DNAH9: variants seen among roughly 807,000 people sequenced by gnomAD.
The protein encoded by DNAH9 is DNAH9 variant protein.
A neutral mutation model predicts 471.6 loss-of-function variants in DNAH9; 345 were observed. The observed-to-expected ratio is 0.73, with a 90% CI of 0.67 to 0.80. The LOEUF (loss-of-function observed/expected upper bound fraction) is 0.80. Among genes scored for constraint, DNAH9 ranks in the 30% least tolerant of loss-of-function variants. The pLI, the probability that DNAH9 is intolerant of heterozygous loss-of-function variation, is 0.00. For missense variants in DNAH9, 5,407 were observed against 5,609.2 expected, an observed-to-expected ratio of 0.96 and a Z score of 1.15; for synonymous variants, 2,093 against 2,123.6, an observed-to-expected ratio of 0.99 and a Z score of 0.40.
At chr17:11,669,866 A>G in intron 17 of DNAH9, 72 bp downstream of exon 17, 1 of 1,329,686 alleles carries the variant, frequency 7.5e-7, no homozygotes, top group Non-Finnish European at 1.0e-6. Flanking sequence ...AACCTTTTTT[A>G]TATTTTTTCC....
At chr17:11,825,073 C>A (rs1347512921) in intron 48 of DNAH9, among the ~76,000 whole-genome samples, 1 of 152,024 alleles carries the variant, frequency 6.6e-6, no homozygotes, top group Non-Finnish European at 1.5e-5. Context: ...TCTGTGATAC[C>A]CCTGTCTTTC....
intron 26 of DNAH9, among the ~76,000 whole-genome samples, chr17:11,707,959 CCACACACACACACACACA>C (rs756020074): frequency 0.011 from 1,190 of 106,426 alleles, 7 homozygotes; most frequent in South Asian, 0.041. Context: ...GCCTCTCCCA[CCACACACACACACACACA>C]CACACACACA....
intron 49 of DNAH9, among the ~76,000 whole-genome samples, chr17:11,849,239 G>T (rs1269505636): frequency 3.3e-5 from 5 of 152,052 alleles, no homozygotes; most frequent in Non-Finnish European, 5.9e-5. Context: ...CCTGGACCAA[G>T]CCACCTTCAG....
At chr17:11,882,886 G>T in intron 55 of DNAH9, 1 of 967,350 alleles carries the variant, frequency 1.0e-6, no homozygotes, top group South Asian at 4.8e-5. Context: ...TGGTCTTAAG[G>T]CAGGATCAAG....
chr17:11,714,201 A>G (rs1381678151), intron 26 of DNAH9, among the ~76,000 whole-genome samples: 2 of 152,190 alleles, frequency 1.3e-5, no homozygotes, highest in Non-Finnish European at 2.9e-5. Flanking sequence ...AAACCTATTG[A>G]AAGCTCTGGG....
intron 43 of DNAH9, among the ~76,000 whole-genome samples, chr17:11,803,302 G>A (rs145425087): frequency 1.6e-4 from 24 of 152,098 alleles, no homozygotes; most frequent in African/African-American, 5.3e-4. Flanking sequence ...GAATCACTTA[G>A]CAATCATTAA....
In DNAH9 at chr17:11,962,666, A is replaced by T. The variant is rs1348547450; in HGVS notation, c.13233+410A>T. On this transcript the variant is annotated intron_variant, in intron 68 of 68. Coordinates refer to ENST00000262442, the MANE Select transcript of DNAH9 (RefSeq NM_001372.4). This position sits in a 1 kb window ranked among gnomAD's most constrained non-coding sequence, Gnocchi z 4.1. ...ATAGGCAGTTATCAAAAAATGTTGG[A>T]GTCAGCTATCTCTGCTGCTGCTGCT... Among the ~76,000 whole-genome samples the T allele has an allele frequency of 6.6e-6, 1 of 151,788 alleles. No individual in the cohort carries two copies. The highest frequency in any genetic ancestry group is 1.5e-5 in the Non-Finnish European group (1 of 68,034).
chr17:11,750,328 G>C (rs1407947190), intron 32 of DNAH9, among the ~76,000 whole-genome samples: 2 of 151,842 alleles, frequency 1.3e-5, no homozygotes, highest in African/African-American at 4.8e-5. Context: ...GGTTATTTTA[G>C]TTTTATTTAT....
chr17:11,678,618 C>T (rs191327311), intron 17 of DNAH9, among the ~76,000 whole-genome samples: 27 of 152,056 alleles, frequency 1.8e-4, no homozygotes, highest in African/African-American at 6.0e-4. Context: ...TGTGTGCTGT[C>T]GTTGTTTTAA....
intron 67 of DNAH9, among the ~76,000 whole-genome samples, chr17:11,943,664 A>G (rs1288016602): frequency 2.6e-5 from 4 of 152,142 alleles, no homozygotes; most frequent in African/African-American, 9.7e-5. Flanking sequence ...GTGACAGAGC[A>G]AGACTCCGTC....
At chr17:11,741,512 C>T (rs1567764978) in intron 29 of DNAH9, among the ~76,000 whole-genome samples, 1 of 149,160 alleles carries the variant, frequency 6.7e-6, no homozygotes, top group South Asian at 2.1e-4. Flanking sequence ...CAAACAAGTA[C>T]AGGATACACC....
intron 38 of DNAH9, among the ~76,000 whole-genome samples, chr17:11,777,515 G>A (rs1202745083): frequency 1.3e-5 from 2 of 152,184 alleles, no homozygotes; most frequent in East Asian, 3.8e-4. Flanking sequence ...CAAAGAGCTT[G>A]GTTAAGGCAT....
rs556760599 is a variant in DNAH9, at chr17:11,609,763, A to G, written c.615-633A>G. Among the ~76,000 whole-genome samples the G allele has an allele frequency of 1.8e-4, 28 of 152,266 alleles. 1 individual carries two copies. The highest frequency in any genetic ancestry group is 1.8e-3 in the Admixed American group (27 of 15,296). ...CTTTCTTTAAAAGTTGTATGAGGGG[A>G]AAAGTTTGGGAATTCTATTCTTCAC... On this transcript the variant is annotated intron_variant, in intron 2 of 68. Coordinates refer to ENST00000262442, the MANE Select transcript of DNAH9 (RefSeq NM_001372.4).
chr17:11,745,138 A>C, intron 31 of DNAH9, 54 bp downstream of exon 31: 1 of 1,426,174 alleles, frequency 7.0e-7, no homozygotes, highest in Non-Finnish European at 9.7e-7. Flanking sequence ...ATTGTCCAGG[A>C]TAATGGGTTA....
intron 14 of DNAH9, among the ~76,000 whole-genome samples, chr17:11,664,157 G>T (rs1218217772): frequency 1.3e-5 from 2 of 152,136 alleles, no homozygotes; most frequent in African/African-American, 4.8e-5. Flanking sequence ...ACTTGGCATT[G>T]CTGGAGCATT....
Position 11,620,077 on chromosome 17 carries a change from G to A in DNAH9, c.1350+296G>A, listed in dbSNP as rs1263888933. 7.6e-6 allele frequency: 3 copies of A among 392,684 alleles called. No homozygotes were observed. In the East Asian group the frequency reaches 1.6e-4, roughly 21 times the overall value. 24.3% of individuals were successfully genotyped at this position (392,684 alleles called of 1,614,324 possible). ...AATACAACAACAACAAAATAGCCAG[G>A]TGTGGTGTGCACCTGTAGTCCCAGC... On this transcript the variant is annotated intron_variant, in intron 6 of 68. Coordinates refer to ENST00000262442, the MANE Select transcript of DNAH9 (RefSeq NM_001372.4).
Position 11,939,807 on chromosome 17 carries a change from CATGGATGGATGGATGGATGGATGG to C in DNAH9, c.12660+2301_12660+2324del, listed in dbSNP as rs57669174. ...AGAAGGGAGGTTGGCATGTTAGATA[CATGGATGGATGGATGGATGGATGG>C]ATGGATGGATGGATGATGGGTAGAT... On this transcript the variant is annotated intron_variant, in intron 66 of 68. Coordinates refer to ENST00000262442, the MANE Select transcript of DNAH9 (RefSeq NM_001372.4). 2.7e-5 allele frequency among the ~76,000 whole-genome samples: 4 copies of C among 147,294 alleles called. No homozygotes were observed. The East Asian group carries it at 8.1e-4, about 30-fold the overall frequency.
Position 11,651,197 on chromosome 17 carries a change from G to C in DNAH9, c.2226G>C (p.Met742Ile). 4 of 1,614,032 alleles carry C rather than the reference G, an allele frequency of 2.5e-6. No homozygotes were observed. Among genetic ancestry groups the C allele is most frequent in the Non-Finnish European group, 2.5e-6 (3 of 1,180,006 alleles). Reference protein sequence around the residue: ...YRQLVANLELMANWYNKVMKT... With the variant: ...YRQLVANLELIANWYNKVMKT... ...AGCTTGTGGCTAATTTAGAGTTGAT[G>C]GCAAATTGGTACAACAAGGTTATGA... is the stretch of plus-strand genomic sequence containing the variant. Residue 742 changes from methionine to isoleucine, a missense_variant, in exon 13 of 69, where the codon ATG (methionine) becomes ATC (isoleucine). By Grantham distance (10) the Met-to-Ile change is conservative. Transcript: ENST00000262442.
intron 49 of DNAH9, among the ~76,000 whole-genome samples, chr17:11,849,580 G>A (rs1348128923): frequency 6.6e-6 from 1 of 152,168 alleles, no homozygotes; most frequent in Non-Finnish European, 1.5e-5. Context: ...TTGCTCAGCA[G>A]CCTGGAACAG....
Sources: gnomAD v4.1 joint callset for allele counts (sites outside exome capture counted in the v4.1 genomes callset) on GRCh38, gnomAD v4.1.1 for gene constraint, Gnocchi (gnomAD v3.1) non-coding constraint, MANE v1.5 for transcripts, NCBI Gene and HGNC (gene_info 2026-07-23, HGNC 2026-07-21) for gene names.